GPM6A: variants seen among roughly 807,000 people sequenced by gnomAD.
The protein encoded by GPM6A is neuronal membrane glycoprotein M6-a.
A neutral mutation model predicts 32.1 loss-of-function variants in GPM6A; 7 were observed. The observed-to-expected ratio is 0.22, with a 90% CI of 0.12 to 0.41. The LOEUF (loss-of-function observed/expected upper bound fraction) is 0.41, where lower values mean the gene tolerates loss of function less well. GPM6A is among the 10% of genes least tolerant of loss of function. The probability of loss-of-function intolerance (pLI) is 1.00; values close to 1 mark genes in which losing one functional copy is unlikely to be tolerated. For missense variants in GPM6A, 235 were observed against 347.2 expected (o/e 0.68, Z 2.57); for synonymous variants, 130 against 123.4 (o/e 1.05, Z -0.35).
intron 1 of GPM6A, chr4:175,801,129 T>A (rs571580749): frequency 5.3e-5 from 8 of 152,328 alleles, no homozygotes; most frequent in East Asian, 1.9e-4. Context: ...TCAAATAGTT[T>A]GCCATTTTTT....
intron 1 of GPM6A, among the ~76,000 whole-genome samples, chr4:175,767,234 A>C (rs903513900): frequency 7.2e-5 from 11 of 152,204 alleles, no homozygotes; most frequent in Non-Finnish European, 1.3e-4. Flanking sequence ...AGTTTATAGA[A>C]AAGATCATGA....
intron 1 of GPM6A, among the ~76,000 whole-genome samples, chr4:175,851,386 G>A (rs1026931571): frequency 6.6e-6 from 1 of 151,876 alleles, no homozygotes; most frequent in Admixed American, 6.6e-5. Flanking sequence ...TCTGGAGGCT[G>A]AGGGAGGAGA....
chr4:175,643,303 C>T (rs1741263574), intron 4 of GPM6A, among the ~76,000 whole-genome samples: 1 of 152,194 alleles, frequency 6.6e-6, no homozygotes, highest in South Asian at 2.1e-4. Flanking sequence ...CTCTACTCCC[C>T]TCAGAATAAA....
intron 1 of GPM6A, among the ~76,000 whole-genome samples, chr4:175,930,553 A>T (rs1224363477): frequency 6.6e-6 from 1 of 151,682 alleles, no homozygotes; most frequent in African/African-American, 2.4e-5. Context: ...ATTATACTCA[A>T]CTCTGAATTT....
At chr4:175,765,923 G>C (rs889849401) in intron 1 of GPM6A, among the ~76,000 whole-genome samples, 5 of 152,112 alleles carry the variant, frequency 3.3e-5, no homozygotes, top group African/African-American at 9.7e-5. Flanking sequence ...GTTTAACAAC[G>C]TCCTGCTCAT....
chr4:175,718,692 A>C (rs1249335898), intron 1 of GPM6A, among the ~76,000 whole-genome samples: 2 of 152,182 alleles, frequency 1.3e-5, no homozygotes, highest in East Asian at 1.9e-4. Context: ...CACACACATA[A>C]ACCAGGAATG....
chr4:175,877,187 G>A (rs1324316454), intron 1 of GPM6A, among the ~76,000 whole-genome samples: 1 of 152,162 alleles, frequency 6.6e-6, no homozygotes, highest in Non-Finnish European at 1.5e-5. Context: ...GCACAGTGTG[G>A]CACAATCCTC....
intron 1 of GPM6A, 62 bp from the exon 2 acceptor site, chr4:175,701,829 C>A: frequency 2.6e-6 from 3 of 1,151,562 alleles, no homozygotes; most frequent in East Asian, 2.4e-5. Context: ...TTTTTTTTTT[C>A]AAACTTCAGC....
intron 1 of GPM6A, among the ~76,000 whole-genome samples, chr4:175,871,155 T>C (rs1461727191): frequency 6.6e-6 from 1 of 151,888 alleles, no homozygotes; most frequent in East Asian, 1.9e-4. Flanking sequence ...GAACCAAAAT[T>C]TTGGAATTTT....
chr4:175,686,553 T>C (rs964460920), intron 2 of GPM6A, among the ~76,000 whole-genome samples: 28 of 151,958 alleles, frequency 1.8e-4, no homozygotes, highest in African/African-American at 6.8e-4. Context: ...GAGATTAGAG[T>C]GCTGTGGCCT....
intron 1 of GPM6A, among the ~76,000 whole-genome samples, chr4:175,900,568 G>A (rs1174239748): frequency 6.6e-6 from 1 of 150,962 alleles, no homozygotes; most frequent in African/African-American, 2.4e-5. Context: ...AAACTGCAAT[G>A]AGATATCATC....
At chr4:175,805,726 C>A (rs554207630) in intron 1 of GPM6A, among the ~76,000 whole-genome samples, 2 of 152,284 alleles carry the variant, frequency 1.3e-5, no homozygotes, top group South Asian at 2.1e-4. Flanking sequence ...TAATACACAT[C>A]ATTTAAAAGC....
rs185238101 is a variant in GPM6A at position 175,847,189 on chromosome 4, C to T, written c.-22-34940G>A. On this transcript the variant is annotated intron_variant, in intron 1 of 7. Transcript: ENST00000280187. ...CTTTGAAACTACCCACTGGATGGTC[C>T]TCCTTTCTTTCAGTCTAGAAACAAA... is the stretch of plus-strand genomic sequence containing the variant. Among the ~76,000 whole-genome samples, 34 of 152,208 alleles carry T rather than the reference C, an allele frequency of 2.2e-4. No homozygotes were observed. In the East Asian group the frequency reaches 4.4e-3, roughly 20 times the overall value.
intron 1 of GPM6A, among the ~76,000 whole-genome samples, chr4:175,877,619 G>A (rs1215436038): frequency 6.6e-6 from 1 of 152,072 alleles, no homozygotes; most frequent in Non-Finnish European, 1.5e-5. Context: ...ACAGCATGGG[G>A]GAAACCATCT....
At chr4:175,640,512 A>G (rs1741080140) in intron 5 of GPM6A, among the ~76,000 whole-genome samples, 1 of 152,202 alleles carries the variant, frequency 6.6e-6, no homozygotes, top group Non-Finnish European at 1.5e-5. Flanking sequence ...TCATGTTTTC[A>G]GCCTTCATTA....
chr4:175,838,114 C>G (rs200091841), intron 1 of GPM6A, among the ~76,000 whole-genome samples: 1,687 of 11,668 alleles, frequency 0.14, 40 homozygotes, highest in Admixed American at 0.37. Flanking sequence ...CACACACAGA[C>G]ACACACACAC....
At chr4:175,717,796 A>G (rs1161446769) in intron 1 of GPM6A, among the ~76,000 whole-genome samples, 1 of 152,214 alleles carries the variant, frequency 6.6e-6, no homozygotes, top group East Asian at 1.9e-4. Context: ...TAAAGAATGT[A>G]TTATAATTTT....
chr4:175,998,066 T>C (rs2126472297), intron 1 of GPM6A, among the ~76,000 whole-genome samples: 1 of 152,312 alleles, frequency 6.6e-6, no homozygotes, highest in East Asian at 1.9e-4. Context: ...TTGTTTTCCT[T>C]TTTGTTCCTG....
At chr4:175,752,168 T>C (rs778980207) in intron 1 of GPM6A, among the ~76,000 whole-genome samples, 3 of 152,200 alleles carry the variant, frequency 2.0e-5, no homozygotes, top group Non-Finnish European at 2.9e-5. Context: ...GATCATTTCT[T>C]ACTTAGGAAG....
Sources: allele counts gnomAD v4.1 joint callset (sites outside exome capture counted in the v4.1 genomes callset), GRCh38; gene constraint gnomAD v4.1.1; transcripts MANE v1.5; gene names NCBI Gene and HGNC (gene_info 2026-07-23, HGNC 2026-07-21).